MAGI1: variants seen among roughly 807,000 people sequenced by gnomAD.
MAGI1 encodes the protein membrane-associated guanylate kinase, WW and PDZ domain-containing protein 1.
In MAGI1, 58 loss-of-function variants were observed where a neutral mutation model predicts 139.9. The ratio of observed to expected loss-of-function variants is 0.41; its 90% CI spans 0.34 to 0.52. MAGI1 has a LOEUF of 0.52. Among genes scored for constraint, MAGI1 ranks in the 20% least tolerant of loss-of-function variants. MAGI1 has a pLI of 0.12. For missense variants in MAGI1, 1,874 were observed against 1,901.6 expected (o/e 0.99, Z 0.27); for synonymous variants, 812 against 737.9 (o/e 1.10, Z -1.63).
chr3:65,680,804 A>G (rs1434077306), intron 1 of MAGI1, among the ~76,000 whole-genome samples: 5 of 149,524 alleles, frequency 3.3e-5, no homozygotes, highest in African/African-American at 7.3e-5. Flanking sequence ...ATATACTTTA[A>G]TAATTATTAA....
intron 5 of MAGI1, among the ~76,000 whole-genome samples, chr3:65,460,218 G>A (rs186485903): frequency 3.9e-5 from 6 of 152,290 alleles, no homozygotes; most frequent in African/African-American, 1.4e-4. Context: ...TACTGAGAAA[G>A]CCTTGAAGCA....
chr3:65,799,909 G>A (rs2040407741), intron 1 of MAGI1, among the ~76,000 whole-genome samples: 1 of 152,062 alleles, frequency 6.6e-6, no homozygotes, highest in South Asian at 2.1e-4. Flanking sequence ...ATGTCTGGAA[G>A]TTGAAAAAAA....
intron 1 of MAGI1, chr3:65,687,517 C>A: frequency 2.6e-6 from 1 of 379,734 alleles, no homozygotes; most frequent in Non-Finnish European, 5.4e-6. Context: ...CTGAGCAGGC[C>A]TCTTACTTTT....
chr3:65,678,627 T>G (rs1306392433), intron 1 of MAGI1, among the ~76,000 whole-genome samples: 1 of 152,152 alleles, frequency 6.6e-6, no homozygotes, highest in African/African-American at 2.4e-5. Flanking sequence ...CATACTCATA[T>G]CTGGTTAACT....
chr3:65,941,218 G>T, intron 1 of MAGI1, among the ~76,000 whole-genome samples: 1 of 151,874 alleles, frequency 6.6e-6, no homozygotes, highest in East Asian at 1.9e-4. Flanking sequence ...ATGGTAGCAG[G>T]TGCCTGTAAT....
chr3:65,578,635 T>G (rs1302752841), intron 2 of MAGI1, among the ~76,000 whole-genome samples: 1 of 152,154 alleles, frequency 6.6e-6, no homozygotes, highest in African/African-American at 2.4e-5. Context: ...GAACAGATAT[T>G]CAGGCCGGAT....
intron 6 of MAGI1, chr3:65,452,928 G>A (rs929552593): frequency 5.7e-5 from 13 of 228,854 alleles, no homozygotes; most frequent in Admixed American, 9.9e-5. Context: ...TGACCAGACC[G>A]TCTTTGGTTT....
intron 2 of MAGI1, among the ~76,000 whole-genome samples, chr3:65,545,976 A>ACACACACACACACACACG (rs2079480142): frequency 7.0e-6 from 1 of 142,948 alleles, no homozygotes; most frequent in East Asian, 2.0e-4. Context: ...GTATGATCTC[A>ACACACACACACACACACG]CACACACACA....
intron 1 of MAGI1, among the ~76,000 whole-genome samples, chr3:66,009,715 T>C (rs1435671584): frequency 2.0e-5 from 3 of 152,108 alleles, no homozygotes; most frequent in East Asian, 3.9e-4. Flanking sequence ...TGTATATCTT[T>C]ACACAGCACT....
chr3:65,524,210 T>G (rs2078285120), intron 2 of MAGI1, among the ~76,000 whole-genome samples: 1 of 152,180 alleles, frequency 6.6e-6, no homozygotes, highest in African/African-American at 2.4e-5. Flanking sequence ...AAAGTTGGTG[T>G]ACAATGGCAA....
chr3:65,883,796 C>T (rs2060427531), intron 1 of MAGI1, among the ~76,000 whole-genome samples: 1 of 152,168 alleles, frequency 6.6e-6, no homozygotes, highest in African/African-American at 2.4e-5. Context: ...GCAGTAACAA[C>T]TGTTTATCTT....
intron 1 of MAGI1, among the ~76,000 whole-genome samples, chr3:65,855,482 A>G (rs1027721651): frequency 1.4e-5 from 2 of 146,074 alleles, no homozygotes; most frequent in South Asian, 4.6e-4. Context: ...TGCACCAGTA[A>G]TCCTAACTAC....
At chr3:65,930,192 T>C (rs1007487142) in intron 1 of MAGI1, among the ~76,000 whole-genome samples, 1 of 151,256 alleles carries the variant, frequency 6.6e-6, no homozygotes. Flanking sequence ...GGCGGGCGCC[T>C]GTAGTCCCGG....
intron 1 of MAGI1, among the ~76,000 whole-genome samples, chr3:65,792,259 G>A (rs1207314398): frequency 6.6e-6 from 1 of 152,130 alleles, no homozygotes; most frequent in Non-Finnish European, 1.5e-5. Flanking sequence ...GAGGTCAGGA[G>A]TTCAAAACCA....
At chr3:65,820,912 A>C (rs1007274774) in intron 1 of MAGI1, among the ~76,000 whole-genome samples, 5 of 152,162 alleles carry the variant, frequency 3.3e-5, no homozygotes, top group Non-Finnish European at 5.9e-5. Context: ...ACTCACAGTA[A>C]TAATTCTAAT....
chr3:65,518,428 G>A lies in MAGI1; in HGVS notation c.431-24797C>T, dbSNP rs114868073. ...GCACGCAGTAATTGCATGATTTTTCGTGGAAATAAAGGTACACTGGGGCTT... is the reference window on the plus strand; with the variant it reads ...GCACGCAGTAATTGCATGATTTTTCATGGAAATAAAGGTACACTGGGGCTT... On this transcript the variant is annotated intron_variant, in intron 2 of 22. Coordinates refer to ENST00000402939, the MANE Select transcript of MAGI1 (RefSeq NM_001033057.2). Among the ~76,000 whole-genome samples, 529 of 152,214 alleles carry A rather than the reference G, an allele frequency of 3.5e-3. 3 individuals carry two copies. The highest frequency in any genetic ancestry group is 0.012 in the African/African-American group (515 of 41,526).
intron 1 of MAGI1, among the ~76,000 whole-genome samples, chr3:65,773,892 C>T (rs982784248): frequency 2.0e-5 from 3 of 151,978 alleles, no homozygotes; most frequent in Non-Finnish European, 2.9e-5. Flanking sequence ...CCTTTTAATA[C>T]AAGTTACTTG....
intron 1 of MAGI1, among the ~76,000 whole-genome samples, chr3:65,811,112 A>G (rs555171816): frequency 6.6e-6 from 1 of 152,344 alleles, no homozygotes; most frequent in South Asian, 2.1e-4. Flanking sequence ...TACAGTATCA[A>G]AGTATGTATA....
intron 10 of MAGI1, among the ~76,000 whole-genome samples, chr3:65,431,450 A>G (rs1947443459): frequency 6.6e-6 from 1 of 152,184 alleles, no homozygotes; most frequent in Admixed American, 6.5e-5. Context: ...ATTACTTTGA[A>G]TTGAATTCTA....
Sources: gnomAD v4.1 joint callset for allele counts (sites outside exome capture counted in the v4.1 genomes callset) on GRCh38, gnomAD v4.1.1 for gene constraint, MANE v1.5 for transcripts, NCBI Gene and HGNC (gene_info 2026-07-23, HGNC 2026-07-21) for gene names.